Variants in SAMD4A observed in about 807,000 individuals in gnomAD.
SAMD4A encodes the protein protein Smaug homolog 1.
SAMD4A carries 33 observed loss-of-function variants against 81.3 expected under a neutral mutation model. The observed-to-expected ratio is 0.41, with a 90% confidence interval of 0.31 to 0.54. The LOEUF is 0.54. SAMD4A is among the 20% of genes least tolerant of loss of function. The pLI is 0.37. For missense variants in SAMD4A, 854 were observed against 951.1 expected, an observed-to-expected ratio of 0.90 and a Z score of 1.34; for synonymous variants, 389 against 382.1, an observed-to-expected ratio of 1.02 and a Z score of -0.21.
At chr14:54,748,671 A>G in intron 4 of SAMD4A, 144 bp from the exon 5 acceptor site, 4 of 610,748 alleles carry the variant, frequency 6.5e-6, no homozygotes, top group Non-Finnish European at 5.8e-6. Flanking sequence ...AAAATTAAAT[A>G]CATAGTAACA....
At chr14:54,785,467 C>T (rs1162063394) in intron 12 of SAMD4A, among the ~76,000 whole-genome samples, 1 of 152,228 alleles carries the variant, frequency 6.6e-6, no homozygotes, top group Non-Finnish European at 1.5e-5. Flanking sequence ...TCCTGGGAGG[C>T]TCTGTGCCAC....
chr14:54,741,041 G>A (rs918834295), intron 4 of SAMD4A, among the ~76,000 whole-genome samples: 1 of 152,204 alleles, frequency 6.6e-6, no homozygotes, highest in African/African-American at 2.4e-5. Context: ...GAGGCTACTG[G>A]TTATACATGT....
intron 4 of SAMD4A, among the ~76,000 whole-genome samples, chr14:54,738,104 C>G (rs866347056): frequency 1.3e-5 from 2 of 152,214 alleles, no homozygotes; most frequent in African/African-American, 4.8e-5. Context: ...ACACTAGTAA[C>G]AATTTTAGAT....
intron 2 of SAMD4A, among the ~76,000 whole-genome samples, chr14:54,615,694 TAAATG>T (rs2034472759): frequency 6.6e-6 from 1 of 152,250 alleles, no homozygotes; most frequent in Non-Finnish European, 1.5e-5. Flanking sequence ...TTTATTTTGT[TAAATG>T]AACCGCATTT....
chr14:54,566,259 G>A (rs1369133063), upstream of SAMD4A, among the ~76,000 whole-genome samples: 2 of 151,110 alleles, frequency 1.3e-5, no homozygotes, highest in Non-Finnish European at 3.0e-5. Flanking sequence ...GAGCCGCCGC[G>A]GCCCCGGACC....
chr14:54,613,300 G>A (rs1029015263), intron 2 of SAMD4A, among the ~76,000 whole-genome samples: 3 of 152,126 alleles, frequency 2.0e-5, no homozygotes, highest in African/African-American at 4.8e-5. Flanking sequence ...CTTGGTGCAG[G>A]GGCCGGGTGG....
At chr14:54,675,973 C>T (rs958071024) in intron 2 of SAMD4A, among the ~76,000 whole-genome samples, 6 of 152,330 alleles carry the variant, frequency 3.9e-5, no homozygotes, top group Middle Eastern at 3.4e-3. Context: ...AGAATCCTTC[C>T]ACGGGAGGGC....
chr14:54,770,043 A>ATGTT (rs2038659867), intron 8 of SAMD4A, 61 bp from the exon 9 acceptor site: 1 of 1,043,928 alleles, frequency 9.6e-7, no homozygotes, highest in Admixed American at 1.8e-5. Context: ...TATTAATTGC[A>ATGTT]TGTTTCTCCC....
upstream of SAMD4A, among the ~76,000 whole-genome samples, chr14:54,565,810 A>AT (rs1342598722): frequency 2.7e-5 from 4 of 150,762 alleles, no homozygotes; most frequent in Admixed American, 2.6e-4. This position sits in a 1 kb window ranked among gnomAD's most constrained non-coding sequence, Gnocchi z 5.4. Context: ...GCAGGAAGAA[A>AT]TTCACCCGGA....
intron 2 of SAMD4A, among the ~76,000 whole-genome samples, chr14:54,623,482 G>GAA (rs1566552666): frequency 1.5e-3 from 6 of 4,094 alleles, no homozygotes; most frequent in East Asian, 0.015. Flanking sequence ...TTGGACATCA[G>GAA]CAAAAAAAAA....
chr14:54,592,976 C>T (rs1040862925), intron 2 of SAMD4A, among the ~76,000 whole-genome samples: 3 of 152,130 alleles, frequency 2.0e-5, no homozygotes, highest in Non-Finnish European at 4.4e-5. Context: ...ATATTATGAG[C>T]ATTTTCCAAT....
At chr14:54,723,299 A>G (rs1487261397) in intron 3 of SAMD4A, among the ~76,000 whole-genome samples, 1 of 152,108 alleles carries the variant, frequency 6.6e-6, no homozygotes, top group Non-Finnish European at 1.5e-5. Flanking sequence ...GATGCTTTCC[A>G]TGTGGTTGGG....
intron 2 of SAMD4A, among the ~76,000 whole-genome samples, chr14:54,671,500 C>T (rs771954044): frequency 6.6e-6 from 1 of 152,158 alleles, no homozygotes; most frequent in Non-Finnish European, 1.5e-5. Context: ...ATAGATTTGG[C>T]CTTCAAGGAG....
chr14:54,752,364 A>T (rs2038128711), intron 6 of SAMD4A, among the ~76,000 whole-genome samples: 1 of 152,150 alleles, frequency 6.6e-6, no homozygotes, highest in Non-Finnish European at 1.5e-5. Flanking sequence ...CAGGGTTGGG[A>T]TTCTTATGCA....
intron 9 of SAMD4A, among the ~76,000 whole-genome samples, chr14:54,774,733 G>C (rs1157050742): frequency 6.7e-6 from 1 of 149,580 alleles, no homozygotes; most frequent in Non-Finnish European, 1.5e-5. Flanking sequence ...AGGATCACCT[G>C]AGCCCAGGAG....
chr14:54,643,025 C>T (rs954399784), intron 2 of SAMD4A, among the ~76,000 whole-genome samples: 2 of 152,158 alleles, frequency 1.3e-5, no homozygotes, highest in African/African-American at 2.4e-5. Context: ...GATTCAGCTC[C>T]GTCTTTGCTT....
At chr14:54,752,983 A>G (rs2139826951) in intron 6 of SAMD4A, among the ~76,000 whole-genome samples, 1 of 152,376 alleles carries the variant, frequency 6.6e-6, no homozygotes, top group South Asian at 2.1e-4. Flanking sequence ...ACAAGGCAGC[A>G]TTGCTGCAAA....
At chr14:54,574,463 A>G (rs1351482203) in intron 2 of SAMD4A, among the ~76,000 whole-genome samples, 1 of 152,200 alleles carries the variant, frequency 6.6e-6, no homozygotes, top group African/African-American at 2.4e-5. Flanking sequence ...AACTCTGTGC[A>G]TGTGCCATGG....
intron 3 of SAMD4A, among the ~76,000 whole-genome samples, chr14:54,716,091 CTTTGT>C: frequency 6.6e-6 from 1 of 152,252 alleles, no homozygotes; most frequent in East Asian, 1.9e-4. Context: ...TTCGAAGGCT[CTTTGT>C]TTTAAGAGAT....
Sources: allele counts gnomAD v4.1 joint callset (sites outside exome capture counted in the v4.1 genomes callset), GRCh38; gene constraint gnomAD v4.1.1; non-coding constraint Gnocchi (gnomAD v3.1); transcripts MANE v1.5; gene names NCBI Gene and HGNC (gene_info 2026-07-23, HGNC 2026-07-21).